The following IL15 variants were observed in gnomAD, a reference collection of about 807,000 sequenced individuals.
IL15 encodes interleukin 15.
In IL15, 11 loss-of-function variants were observed where a neutral mutation model predicts 19.6. That is an observed-to-expected ratio of 0.56 (90% CI 0.35 to 0.93). The LOEUF (loss-of-function observed/expected upper bound fraction) is 0.93, where lower values mean the gene tolerates loss of function less well. Among genes scored for constraint, IL15 ranks in the 40% least tolerant of loss-of-function variants. The probability of loss-of-function intolerance (pLI) is 0.01; values close to 1 mark genes in which losing one functional copy is unlikely to be tolerated. For missense variants in IL15, 197 were observed against 186.5 expected (o/e 1.06, Z -0.33); for synonymous variants, 58 against 59.6 (o/e 0.97, Z 0.12).
intron 2 of IL15, among the ~76,000 whole-genome samples, chr4:141,682,272 T>C (rs950775131): frequency 1.6e-4 from 25 of 152,218 alleles, no homozygotes; most frequent in Non-Finnish European, 3.4e-4. Flanking sequence ...TATCTACCTC[T>C]CCTTAAATTA....
intron 2 of IL15, among the ~76,000 whole-genome samples, chr4:141,705,847 T>C (rs1461481496): frequency 6.6e-6 from 1 of 151,994 alleles, no homozygotes; most frequent in East Asian, 1.9e-4. Flanking sequence ...TACCTCTTTT[T>C]ACAGTTTTTG....
At chr4:141,652,132 A>T (rs1727428416) in intron 1 of IL15, among the ~76,000 whole-genome samples, 1 of 152,190 alleles carries the variant, frequency 6.6e-6, no homozygotes. Flanking sequence ...AAAAGCAAAA[A>T]TTATAAAGAA....
At chr4:141,683,519 C>T (rs531253886) in intron 2 of IL15, among the ~76,000 whole-genome samples, 12 of 150,054 alleles carry the variant, frequency 8.0e-5, no homozygotes, top group African/African-American at 2.9e-4. Flanking sequence ...TGCAGTGAGC[C>T]GAGATCGCGC....
intron 4 of IL15, chr4:141,720,877 G>A: frequency 3.8e-6 from 2 of 531,040 alleles, no homozygotes; most frequent in South Asian, 2.6e-5. Flanking sequence ...GCAATTAAAA[G>A]TAGATATTTA....
At chr4:141,663,846 T>A (rs1273693507) in intron 2 of IL15, among the ~76,000 whole-genome samples, 1 of 152,074 alleles carries the variant, frequency 6.6e-6, no homozygotes, top group East Asian at 1.9e-4. Flanking sequence ...TGGGGAAGAA[T>A]GAGGCTAGGG....
intron 5 of IL15, among the ~76,000 whole-genome samples, chr4:141,722,275 A>G (rs1730114777): frequency 6.6e-6 from 1 of 152,178 alleles, no homozygotes; most frequent in Non-Finnish European, 1.5e-5. Flanking sequence ...GAGAAGCCAG[A>G]TATCTTGGTG....
At chr4:141,661,449 G>A (rs757166747) in intron 2 of IL15, among the ~76,000 whole-genome samples, 98 of 152,306 alleles carry the variant, frequency 6.4e-4, no homozygotes, top group Non-Finnish European at 1.1e-3. Context: ...CTTGGTGGCA[G>A]TATCTAGTGA....
At chr4:141,722,512 A>G (rs559058413) in intron 5 of IL15, among the ~76,000 whole-genome samples, 1 of 152,232 alleles carries the variant, frequency 6.6e-6, no homozygotes, top group South Asian at 2.1e-4. Context: ...GCATTAAAAA[A>G]TAGGTTAGAA....
rs372238337 is a variant in IL15, at chr4:141,669,084, T to C, written c.-100+12777T>C. Among the ~76,000 whole-genome samples the C allele has an allele frequency of 3.9e-5, 6 of 152,234 alleles. No homozygotes were observed. The East Asian group carries it at 1.2e-3, about 29-fold the overall frequency. The stretch of plus-strand genomic sequence containing the variant: ...CATCATTTTATGATGATAATTTAAA[T>C]GTCATTTAAAATGATGACAAAATAG... On this transcript the variant is annotated intron_variant, in intron 2 of 7. Coordinates refer to ENST00000320650, the MANE Select transcript of IL15 (RefSeq NM_000585.5).
chr4:141,665,946 T>C (rs1727956699), intron 2 of IL15, among the ~76,000 whole-genome samples: 1 of 152,126 alleles, frequency 6.6e-6, no homozygotes, highest in Admixed American at 6.6e-5. Context: ...TTGTTCTTGG[T>C]TTCTGAAGCA....
At chr4:141,718,204 C>T (rs1729954775) in intron 2 of IL15, 1 of 151,918 alleles carries the variant, frequency 6.6e-6, no homozygotes, top group Admixed American at 6.6e-5. Context: ...TCATTGTTTA[C>T]AAAAGTAGCT....
At chr4:141,675,161 A>C (rs1005598216) in intron 2 of IL15, among the ~76,000 whole-genome samples, 3 of 151,848 alleles carry the variant, frequency 2.0e-5, no homozygotes, top group Non-Finnish European at 4.4e-5. Context: ...AAAAAAAAAA[A>C]CCAGATGAAC....
intron 1 of IL15, among the ~76,000 whole-genome samples, chr4:141,646,933 A>T (rs1486273771): frequency 6.6e-6 from 1 of 152,220 alleles, no homozygotes; most frequent in African/African-American, 2.4e-5. Context: ...GTCTCTCAAC[A>T]AATATTTGCT....
chr4:141,690,599 C>T (rs796709373), intron 2 of IL15, among the ~76,000 whole-genome samples: 5 of 152,166 alleles, frequency 3.3e-5, no homozygotes, highest in Admixed American at 6.5e-5. Context: ...GGTTCTTATG[C>T]GGACTACTAC....
At chr4:141,702,928 C>A (rs574880857) in intron 2 of IL15, among the ~76,000 whole-genome samples, 2 of 152,260 alleles carry the variant, frequency 1.3e-5, no homozygotes, top group South Asian at 4.2e-4. Context: ...TGGGGCCTGC[C>A]GCAGCCACTG....
intron 5 of IL15, among the ~76,000 whole-genome samples, chr4:141,722,698 T>C (rs1389498636): frequency 6.6e-6 from 1 of 152,058 alleles, no homozygotes; most frequent in African/African-American, 2.4e-5. Context: ...GATTACAAAA[T>C]TGAAGTGGAT....
chr4:141,708,569 T>C (rs924657474), intron 2 of IL15, among the ~76,000 whole-genome samples: 17 of 152,166 alleles, frequency 1.1e-4, no homozygotes, highest in African/African-American at 3.9e-4. Flanking sequence ...GCATGTGTGG[T>C]AATAATTGGG....
At chr4:141,678,763 G>A (rs978025383) in intron 2 of IL15, among the ~76,000 whole-genome samples, 2 of 151,920 alleles carry the variant, frequency 1.3e-5, no homozygotes, top group Admixed American at 6.6e-5. Flanking sequence ...CACCACACCC[G>A]GCTAATTTTT....
chr4:141,733,653 G>A lies in IL15; in HGVS notation c.*805G>A, dbSNP rs1730529725. 6.6e-6 allele frequency: 1 copy of A among 152,156 alleles called. No individual in the cohort carries two copies. The highest frequency in any genetic ancestry group is 1.5e-5 in the Non-Finnish European group (1 of 68,036). 9.4% of individuals were successfully genotyped at this position (152,156 alleles called of 1,614,324 possible). On this transcript the variant is annotated 3_prime_UTR_variant, in exon 8 of 8. Coordinates refer to ENST00000320650, the MANE Select transcript of IL15 (RefSeq NM_000585.5). ...AGCTCATCAGCTATCATTAGCGGTA[G>A]TGTATTTAAAGTGTGGCCCAAGACA...
Sources: gnomAD v4.1 joint callset for allele counts (sites outside exome capture counted in the v4.1 genomes callset) on GRCh38, gnomAD v4.1.1 for gene constraint, MANE v1.5 for transcripts, NCBI Gene and HGNC (gene_info 2026-07-23, HGNC 2026-07-21) for gene names.